The following C1orf94 variants were observed in gnomAD, a reference collection of about 807,000 sequenced individuals.
C1orf94 encodes chromosome 1 open reading frame 94.
In C1orf94, 45 loss-of-function variants were observed where a neutral mutation model predicts 53.6. That is an observed-to-expected ratio of 0.84 (90% CI 0.66 to 1.08). C1orf94 has a LOEUF of 1.08. Ranked by LOEUF, C1orf94 falls within the 50% of genes least tolerant of loss-of-function variation. C1orf94 has a pLI of 0.00. For missense variants in C1orf94, 762 were observed against 738.9 expected (o/e 1.03, Z -0.36); for synonymous variants, 304 against 296.1 (o/e 1.03, Z -0.27).
At chr1:34,205,280 A>T (rs369966076) in intron 4 of C1orf94, among the ~76,000 whole-genome samples, 2 of 152,154 alleles carry the variant, frequency 1.3e-5, no homozygotes, top group East Asian at 1.9e-4. Flanking sequence ...GCCCAGCTGA[A>T]GTTGGCTGTG....
chr1:34,209,101 G>C (rs1324299798), intron 5 of C1orf94, among the ~76,000 whole-genome samples: 1 of 152,148 alleles, frequency 6.6e-6, no homozygotes, highest in Non-Finnish European at 1.5e-5. Flanking sequence ...TGGGTGTCCT[G>C]TATTTTTATT....
chr1:34,178,770 C>A (rs1049713407), intron 1 of C1orf94, among the ~76,000 whole-genome samples: 1 of 151,964 alleles, frequency 6.6e-6, no homozygotes, highest in Non-Finnish European at 1.5e-5. Context: ...GATGGATATT[C>A]GAAAGGAAAG....
intron 1 of C1orf94, among the ~76,000 whole-genome samples, chr1:34,192,438 A>C (rs1642509781): frequency 6.6e-6 from 1 of 152,172 alleles, no homozygotes; most frequent in Non-Finnish European, 1.5e-5. Context: ...AAATGGAACC[A>C]AAGCCAGACA....
chr1:34,171,774 A>G (rs138995442), intron 1 of C1orf94, among the ~76,000 whole-genome samples: 2 of 152,330 alleles, frequency 1.3e-5, no homozygotes, highest in East Asian at 3.9e-4. Context: ...TCTGCAGATG[A>G]AGATGTGTAT....
At chr1:34,176,389 T>C (rs759242172), upstream of C1orf94, among the ~76,000 whole-genome samples, 11 of 152,044 alleles carry the variant, frequency 7.2e-5, no homozygotes, top group African/African-American at 1.2e-4. Flanking sequence ...AGTGCCCAAT[T>C]GAATGAAGCC....
At chr1:34,185,828 T>A (rs1571338062) in intron 1 of C1orf94, among the ~76,000 whole-genome samples, 1 of 152,180 alleles carries the variant, frequency 6.6e-6, no homozygotes, top group Non-Finnish European at 1.5e-5. Context: ...TTGGGCCTGG[T>A]TTTCAGGGGT....
At chr1:34,180,884 A>G (rs1263180311) in intron 1 of C1orf94, among the ~76,000 whole-genome samples, 1 of 152,204 alleles carries the variant, frequency 6.6e-6, no homozygotes, top group Non-Finnish European at 1.5e-5. Flanking sequence ...TATTTATCAT[A>G]GGAACCTAGA....
At chr1:34,172,343 TC>T (rs2148608526), upstream of C1orf94, among the ~76,000 whole-genome samples, 1 of 152,364 alleles carries the variant, frequency 6.6e-6, no homozygotes, top group African/African-American at 2.4e-5. Context: ...TGCTAGGCTC[TC>T]AATAACAATA....
At chr1:34,193,288 T>C (rs1018765896) in intron 1 of C1orf94, among the ~76,000 whole-genome samples, 1 of 152,122 alleles carries the variant, frequency 6.6e-6, no homozygotes, top group East Asian at 1.9e-4. Flanking sequence ...TCCCTGAGGC[T>C]CTGCCCCAGA....
chr1:34,182,073 A>G (rs1642318240), intron 1 of C1orf94, among the ~76,000 whole-genome samples: 1 of 152,244 alleles, frequency 6.6e-6, no homozygotes, highest in Admixed American at 6.5e-5. Flanking sequence ...ACACACCTGT[A>G]GTTCTAGCTA....
chr1:34,202,132 G>T lies in C1orf94; in HGVS notation c.1319G>T (p.Gly440Val). The T allele has an allele frequency of 6.2e-7, 1 of 1,614,150 alleles. No individual in the cohort carries two copies. The highest frequency in any genetic ancestry group is 1.1e-5 in the South Asian group (1 of 91,070). Residue 440 changes from glycine (G) to valine (V), a missense_variant, in exon 4 of 7, where the codon GGG becomes GTG. By Grantham distance (109) the Gly-to-Val change is moderately radical. Coordinates refer to ENST00000488417, the MANE Select transcript of C1orf94 (RefSeq NM_001134734.2). ...VADKNNPKYT[G>V]NVFTPHFPTA... The stretch of plus-strand genomic sequence containing the variant: ...GACAAGAACAACCCGAAGTACACAG[G>T]GAATGTTTTCACTCCACACTTTCCT...
upstream of C1orf94, among the ~76,000 whole-genome samples, chr1:34,174,727 G>T (rs1480784287): frequency 6.6e-6 from 1 of 152,120 alleles, no homozygotes; most frequent in Non-Finnish European, 1.5e-5. Flanking sequence ...CCTCTAGAAT[G>T]GCAAGGAAAT....
At chr1:34,207,262 G>GGGGTGTGTGTGT (rs1021463420) in intron 4 of C1orf94, among the ~76,000 whole-genome samples, 5 of 147,346 alleles carry the variant, frequency 3.4e-5, no homozygotes, top group African/African-American at 1.3e-4. Context: ...AGTTCTGCGG[G>GGGGTGTGTGTGT]GTGTGTGTGT....
Position 34,208,143 on chromosome 1 carries a change from C to G in C1orf94, c.1447-14C>G, listed in dbSNP as rs1173595705. On this transcript the variant is annotated splice_polypyrimidine_tract_variant and intron_variant, in intron 4 of 6. Transcript: ENST00000488417. ...CCCCTTGCCTGGCCATACTGAGCCT[C>G]TGTTTCTCCCCAGGGCCTGTACCCA... 1.9e-6 allele frequency: 3 copies of G among 1,613,722 alleles called. No homozygotes were observed. Among genetic ancestry groups the G allele is most frequent in the African/African-American group, 2.7e-5 (2 of 74,932 alleles).
At chr1:34,205,432 A>G (rs1015151883) in intron 4 of C1orf94, among the ~76,000 whole-genome samples, 4 of 152,206 alleles carry the variant, frequency 2.6e-5, no homozygotes, top group African/African-American at 7.2e-5. Flanking sequence ...TGAAACCAGT[A>G]GACTTGACTT....
chr1:34,215,241 G>T (rs1642965097), intron 6 of C1orf94, among the ~76,000 whole-genome samples: 1 of 152,164 alleles, frequency 6.6e-6, no homozygotes, highest in Non-Finnish European at 1.5e-5. Flanking sequence ...AAGTGCAAGG[G>T]CTCTGAGGTG....
At chr1:34,170,940 G>A (rs908589913) in intron 1 of C1orf94, among the ~76,000 whole-genome samples, 1 of 152,090 alleles carries the variant, frequency 6.6e-6, no homozygotes, top group Non-Finnish European at 1.5e-5. Context: ...GTCCACAATG[G>A]CTATGTTTCA....
At chr1:34,169,639 G>GAGAGAGAGA (rs1333033191) in intron 1 of C1orf94, among the ~76,000 whole-genome samples, 3 of 142,868 alleles carry the variant, frequency 2.1e-5, no homozygotes, top group Non-Finnish European at 4.6e-5. Context: ...GAGAGAGTGA[G>GAGAGAGAGA]CAAATGGGAG....
intron 6 of C1orf94, among the ~76,000 whole-genome samples, chr1:34,213,335 T>A (rs950580263): frequency 6.6e-6 from 1 of 152,172 alleles, no homozygotes; most frequent in African/African-American, 2.4e-5. Flanking sequence ...TTTCTCCAAA[T>A]AGCTTGTTGA....
Sources: allele counts gnomAD v4.1 joint callset (sites outside exome capture counted in the v4.1 genomes callset), GRCh38; gene constraint gnomAD v4.1.1; transcripts MANE v1.5; gene names NCBI Gene and HGNC (gene_info 2026-07-23, HGNC 2026-07-21).